AFG2A: variants seen among roughly 807,000 people sequenced by gnomAD.
AFG2A encodes AAA ATPase AFG2A.
At chr4:123,090,176 G>A in the AFG2A span, among the ~76,000 whole-genome samples, 1 of 152,170 alleles carries the variant, frequency 6.6e-6, no homozygotes, top group Non-Finnish European at 1.5e-5. Flanking sequence ...TAGGTTTCAT[G>A]TGAGGAATGG....
chr4:123,273,943 T>G, the AFG2A span, among the ~76,000 whole-genome samples: 1 of 152,138 alleles, frequency 6.6e-6, no homozygotes, highest in Non-Finnish European at 1.5e-5. Context: ...TCTTCTGGCT[T>G]TATATGATTA....
the AFG2A span, among the ~76,000 whole-genome samples, chr4:123,221,579 A>G: frequency 6.6e-6 from 1 of 152,200 alleles, no homozygotes. Flanking sequence ...TGGATTGAAT[A>G]TATTACATTT....
chr4:122,950,112 T>C, the AFG2A span, among the ~76,000 whole-genome samples: 1 of 152,188 alleles, frequency 6.6e-6, no homozygotes, highest in African/African-American at 2.4e-5. Context: ...GTATACATGA[T>C]GGGGTGATGA....
chr4:123,191,658 T>C, the AFG2A span, among the ~76,000 whole-genome samples: 1 of 152,124 alleles, frequency 6.6e-6, no homozygotes, highest in Non-Finnish European at 1.5e-5. Context: ...GTCTTCATCT[T>C]TCTCTCTCTC....
chr4:123,161,975 A>T, the AFG2A span, among the ~76,000 whole-genome samples: 1 of 152,010 alleles, frequency 6.6e-6, no homozygotes, highest in African/African-American at 2.4e-5. Flanking sequence ...TTTGACGGGG[A>T]GGGAGGGATG....
the AFG2A span, among the ~76,000 whole-genome samples, chr4:123,228,853 G>C: frequency 6.6e-6 from 1 of 151,916 alleles, no homozygotes; most frequent in Non-Finnish European, 1.5e-5. Flanking sequence ...AAATTTGATA[G>C]GTAAGCTGAT....
At chr4:123,275,899 G>T in the AFG2A span, among the ~76,000 whole-genome samples, 220 of 152,212 alleles carry the variant, frequency 1.4e-3, 1 homozygote, top group African/African-American at 5.1e-3. Flanking sequence ...CTATTAATGA[G>T]CATCTAGATT....
chr4:122,987,106 T>A, the AFG2A span, among the ~76,000 whole-genome samples: 4 of 152,186 alleles, frequency 2.6e-5, no homozygotes, highest in Admixed American at 2.6e-4. Context: ...TGACTTAGTC[T>A]ATTTTGTCTA....
chr4:123,172,552 A>G, the AFG2A span, among the ~76,000 whole-genome samples: 1 of 152,198 alleles, frequency 6.6e-6, no homozygotes, highest in African/African-American at 2.4e-5. Flanking sequence ...GAAAAAGAGC[A>G]TTAGCTTAGA....
the AFG2A span, chr4:122,927,867 C>A: frequency 1.4e-6 from 2 of 1,396,318 alleles, no homozygotes; most frequent in Non-Finnish European, 1.9e-6. Context: ...AAAGGAAATG[C>A]TCATTGGAAC....
the AFG2A span, among the ~76,000 whole-genome samples, chr4:123,142,054 A>G: frequency 6.6e-6 from 1 of 152,166 alleles, no homozygotes; most frequent in Non-Finnish European, 1.5e-5. Context: ...TTAATGTTAT[A>G]TAGACACAAC....
At chr4:123,247,042 A>G in the AFG2A span, among the ~76,000 whole-genome samples, 2 of 152,106 alleles carry the variant, frequency 1.3e-5, no homozygotes, top group East Asian at 3.9e-4. Context: ...TAATAACTTA[A>G]TTTTAAGGTT....
At chr4:123,161,929 A>G in the AFG2A span, among the ~76,000 whole-genome samples, 6 of 152,182 alleles carry the variant, frequency 3.9e-5, no homozygotes, top group Non-Finnish European at 8.8e-5. Context: ...AGAAACATGA[A>G]CAAGCCAAGG....
the AFG2A span, among the ~76,000 whole-genome samples, chr4:123,278,795 A>G: frequency 1.3e-5 from 2 of 152,016 alleles, no homozygotes; most frequent in South Asian, 2.1e-4. Flanking sequence ...TTTCTATTTT[A>G]TTGTCTTTTG....
At chr4:122,952,225 A>G in the AFG2A span, among the ~76,000 whole-genome samples, 2 of 152,118 alleles carry the variant, frequency 1.3e-5, no homozygotes, top group Non-Finnish European at 1.5e-5. Context: ...AAAGGCGCAT[A>G]TGTATGTCTC....
chr4:123,009,899 T>C, the AFG2A span, among the ~76,000 whole-genome samples: 1 of 152,244 alleles, frequency 6.6e-6, no homozygotes, highest in African/African-American at 2.4e-5. Flanking sequence ...ATGGTGCTTA[T>C]ATGCCAGATT....
chr4:122,947,637 A>G, the AFG2A span: 45 of 1,047,714 alleles, frequency 4.3e-5, no homozygotes, highest in African/African-American at 6.8e-4. Context: ...AAAAATTTTT[A>G]TTGGAAAAAC....
chr4:122,933,032 TC>T, the AFG2A span, among the ~76,000 whole-genome samples: 1 of 152,244 alleles, frequency 6.6e-6, no homozygotes, highest in Non-Finnish European at 1.5e-5. Context: ...TATATACACA[TC>T]CATAGATAAT....
chr4:123,056,464 C>T, the AFG2A span: 3 of 1,606,150 alleles, frequency 1.9e-6, no homozygotes, highest in Admixed American at 5.1e-5. Context: ...CCTTTAGTGG[C>T]ACTCAGCACA....
Sources: gnomAD v4.1 joint callset for allele counts (sites outside exome capture counted in the v4.1 genomes callset) on GRCh38, gnomAD v4.1.1 for gene constraint, MANE v1.5 for transcripts, NCBI Gene and HGNC (gene_info 2026-07-23, HGNC 2026-07-21) for gene names.